Variants in SAMD4A observed in about 807,000 individuals in gnomAD.
SAMD4A encodes sterile alpha motif domain containing 4A, also known as protein Smaug homolog 1.
A neutral mutation model predicts 81.3 loss-of-function variants in SAMD4A; 33 were observed. That is an observed-to-expected ratio of 0.41 (90% CI 0.31 to 0.54). The LOEUF (loss-of-function observed/expected upper bound fraction) is 0.54. SAMD4A is among the 20% of genes least tolerant of loss of function. The pLI is 0.37. For synonymous variants in SAMD4A, 389 were observed against 382.1 expected (o/e 1.02, Z -0.21); for missense variants, 854 against 951.1 (o/e 0.90, Z 1.34).
intron 4 of SAMD4A, among the ~76,000 whole-genome samples, chr14:54,738,192 T>C (rs1320717401): frequency 3.3e-5 from 5 of 152,204 alleles, no homozygotes; most frequent in African/African-American, 1.2e-4. Flanking sequence ...TTGCTGGCAT[T>C]AATAGTCCTG....
rs1330720546 is a variant in SAMD4A, at chr14:54,635,741, C to CA, written c.197-66309dup. Among the ~76,000 whole-genome samples, 746 of 125,914 alleles carry CA rather than the reference C, an allele frequency of 5.9e-3. 4 individuals carry two copies. Among genetic ancestry groups the CA allele is most frequent in the African/African-American group, 0.018 (620 of 33,762 alleles). The allele number at this position is 125,914 out of a possible 152,430, so 82.6% of individuals were successfully genotyped here. A position where few individuals can be genotyped will look rare whatever the true frequency, so the allele number is the denominator to read the frequency against. On this transcript the variant is annotated intron_variant, in intron 2 of 12. Coordinates refer to ENST00000554335, the MANE Select transcript of SAMD4A (RefSeq NM_015589.6). ...CCAGCGACAGAGCAAGACTCCATCT[C>CA]AAAAAAAAAAAAGAAAAGAAAAAAT...
intron 2 of SAMD4A, among the ~76,000 whole-genome samples, chr14:54,670,610 G>A (rs984254697): frequency 6.6e-6 from 1 of 152,224 alleles, no homozygotes; most frequent in South Asian, 2.1e-4. Flanking sequence ...AGCCTGGCTT[G>A]TAGGCTTATT....
At chr14:54,776,626 CTCGACTG>C in intron 11 of SAMD4A, 86 bp downstream of exon 11, 1 of 1,358,546 alleles carries the variant, frequency 7.4e-7, no homozygotes, top group Non-Finnish European at 9.6e-7. Flanking sequence ...AGTGCTTAGC[CTCGACTG>C]TCACCGTGCA....
intron 2 of SAMD4A, among the ~76,000 whole-genome samples, chr14:54,572,133 C>G (rs919666820): frequency 3.3e-5 from 5 of 152,176 alleles, no homozygotes; most frequent in Non-Finnish European, 7.3e-5. Flanking sequence ...TAACTTAACT[C>G]TAGTCCAGTG....
intron 2 of SAMD4A, among the ~76,000 whole-genome samples, chr14:54,582,374 G>A (rs185280173): frequency 1.4e-4 from 21 of 152,198 alleles, no homozygotes; most frequent in African/African-American, 4.6e-4. Flanking sequence ...TTAAACTGGC[G>A]AATGGCGTCC....
At chr14:54,589,994 G>A (rs147106577) in intron 2 of SAMD4A, among the ~76,000 whole-genome samples, 2 of 152,120 alleles carry the variant, frequency 1.3e-5, no homozygotes, top group Non-Finnish European at 2.9e-5. Context: ...CATCCAAACC[G>A]TATGCTAGAA....
chr14:54,585,358 G>GT, intron 2 of SAMD4A, among the ~76,000 whole-genome samples: 1 of 152,174 alleles, frequency 6.6e-6, no homozygotes, highest in Non-Finnish European at 1.5e-5. Flanking sequence ...TTATATGCCT[G>GT]TAAGTGTAGT....
At chr14:54,606,626 C>T (rs2034213316) in intron 2 of SAMD4A, among the ~76,000 whole-genome samples, 1 of 152,182 alleles carries the variant, frequency 6.6e-6, no homozygotes, top group Non-Finnish European at 1.5e-5. Flanking sequence ...GTTCATTCAG[C>T]ACCTTTCTTT....
intron 2 of SAMD4A, chr14:54,682,164 G>C (rs1566581623): frequency 1.8e-6 from 1 of 560,302 alleles, no homozygotes; most frequent in Non-Finnish European, 2.3e-6. Context: ...GGAGTCTGCT[G>C]TGTGCACAGA....
At chr14:54,726,399 G>C (rs564988253) in intron 3 of SAMD4A, among the ~76,000 whole-genome samples, 4 of 152,094 alleles carry the variant, frequency 2.6e-5, no homozygotes, top group Non-Finnish European at 5.9e-5. Context: ...GATCAACCCT[G>C]AGCTAAAGAA....
intron 2 of SAMD4A, among the ~76,000 whole-genome samples, chr14:54,661,759 C>A (rs1381151548): frequency 6.6e-6 from 1 of 152,142 alleles, no homozygotes; most frequent in African/African-American, 2.4e-5. Context: ...CCAAACCCAT[C>A]CCCACTACTG....
rs1396831251 is a variant in SAMD4A at position 54,694,765 on chromosome 14, G to C, written c.197-7297G>C. Reference sequence around the variant, plus strand: ...TGAAGGTGAATCCTAACCCTAACTTGAGTCCTTGGCTGAGATCTCAGGACT... The same window carrying C: ...TGAAGGTGAATCCTAACCCTAACTTCAGTCCTTGGCTGAGATCTCAGGACT... On this transcript the variant is annotated intron_variant, in intron 2 of 12. Coordinates refer to ENST00000554335, the MANE Select transcript of SAMD4A (RefSeq NM_015589.6). 1.2e-5 allele frequency: 12 copies of C among 985,326 alleles called. No individual in the cohort carries two copies. The African/African-American group carries it at 2.1e-4, about 17-fold the overall frequency. The allele number at this position is 985,326 out of a possible 1,614,324, so 61.0% of individuals were successfully genotyped here.
rs1555347504 is a variant in SAMD4A, at chr14:54,724,024, G to GAAGGAAGGAA, written c.716-13000_716-12999insAAGGAAGGAA. ...TGGATGGATGGAAGGAAGGAAGGAA[G>GAAGGAAGGAA]GAAGGAAGGAAGGAAGGAAGGAAGG... On this transcript the variant is annotated intron_variant, in intron 3 of 12. Coordinates refer to ENST00000554335, the MANE Select transcript of SAMD4A (RefSeq NM_015589.6). 1.3e-4 allele frequency among the ~76,000 whole-genome samples: 13 copies of GAAGGAAGGAA among 97,248 alleles called. No individual in the cohort carries two copies. In the East Asian group the frequency reaches 2.1e-3, roughly 15 times the overall value. 63.8% of individuals were successfully genotyped at this position (97,248 alleles called of 152,430 possible). A position where few individuals can be genotyped will look rare whatever the true frequency, so the allele number is the denominator to read the frequency against.
chr14:54,608,613 G>A (rs763529278), intron 2 of SAMD4A, among the ~76,000 whole-genome samples: 1 of 152,202 alleles, frequency 6.6e-6, no homozygotes, highest in African/African-American at 2.4e-5. Context: ...CACATAGTAG[G>A]TTATTGAGTT....
At chr14:54,696,832 C>T (rs1435423876) in intron 2 of SAMD4A, 2 of 152,296 alleles carry the variant, frequency 1.3e-5, no homozygotes, top group Non-Finnish European at 2.9e-5. Context: ...TACATCTCTG[C>T]TCCTTATACA....
chr14:54,579,655 T>A (rs1021206140), intron 2 of SAMD4A, among the ~76,000 whole-genome samples: 1 of 152,228 alleles, frequency 6.6e-6, no homozygotes, highest in East Asian at 1.9e-4. Flanking sequence ...GTTTTTCCAC[T>A]GGCTTTAAAA....
chr14:54,589,227 G>A (rs1024095273), intron 2 of SAMD4A, among the ~76,000 whole-genome samples: 1 of 152,176 alleles, frequency 6.6e-6, no homozygotes, highest in Non-Finnish European at 1.5e-5. Context: ...TGAAGATGGA[G>A]TAATTTACAC....
chr14:54,611,470 C>T (rs1157088668), intron 2 of SAMD4A, among the ~76,000 whole-genome samples: 1 of 152,210 alleles, frequency 6.6e-6, no homozygotes, highest in Non-Finnish European at 1.5e-5. Flanking sequence ...TTTGAGGAAA[C>T]TCTTCCTTAT....
At chr14:54,620,345 C>A (rs1311400926) in intron 2 of SAMD4A, among the ~76,000 whole-genome samples, 1 of 136,476 alleles carries the variant, frequency 7.3e-6, no homozygotes, top group Non-Finnish European at 1.6e-5. Context: ...AAAATAAGCA[C>A]CATGTTGGAG....
Sources: allele counts gnomAD v4.1 joint callset (sites outside exome capture counted in the v4.1 genomes callset), GRCh38; gene constraint gnomAD v4.1.1; transcripts MANE v1.5; gene names NCBI Gene and HGNC (gene_info 2026-07-23, HGNC 2026-07-21).